Variants in ACYP2 observed in about 807,000 individuals in gnomAD.
ACYP2 encodes the protein acylphosphatase-2.
In ACYP2, 12 loss-of-function variants were observed where a neutral mutation model predicts 11.2. That is an observed-to-expected ratio of 1.08 (90% CI 0.69 to 1.74). The LOEUF (loss-of-function observed/expected upper bound fraction) is 1.74, where lower values mean the gene tolerates loss of function less well. Among genes scored for constraint, ACYP2 ranks in the 40% most tolerant of loss-of-function variants. ACYP2 has a pLI of 0.00. For missense variants in ACYP2, 134 were observed against 101.9 expected, an observed-to-expected ratio of 1.31 and a Z score of -1.35; for synonymous variants, 43 against 32.2, an observed-to-expected ratio of 1.33 and a Z score of -1.13.
chr2:54,092,790 T>G (rs1377610784), intron 4 of ACYP2, among the ~76,000 whole-genome samples: 1 of 152,170 alleles, frequency 6.6e-6, no homozygotes, highest in Non-Finnish European at 1.5e-5. Context: ...CAGTGATGCA[T>G]GCCATGGTGC....
intron 6 of ACYP2, among the ~76,000 whole-genome samples, chr2:54,144,191 T>C (rs1681775643): frequency 6.6e-6 from 1 of 151,810 alleles, no homozygotes; most frequent in Non-Finnish European, 1.5e-5. Flanking sequence ...CAGGCTGGTG[T>C]TGAACTTCTG....
chr2:54,284,131 C>A (rs1012473893), intron 6 of ACYP2, among the ~76,000 whole-genome samples: 16 of 152,158 alleles, frequency 1.1e-4, no homozygotes, highest in African/African-American at 3.9e-4. Flanking sequence ...TATAACAGTT[C>A]TTATAATATG....
intron 3 of ACYP2, among the ~76,000 whole-genome samples, chr2:54,055,779 A>G (rs970274368): frequency 6.6e-6 from 1 of 152,246 alleles, no homozygotes; most frequent in African/African-American, 2.4e-5. Flanking sequence ...AGAACAATGC[A>G]TCTAAGTGTT....
rs138233331 is a variant in ACYP2, at chr2:54,197,783, G to A, written c.404+59035G>A. Reference sequence around the variant, plus strand: ...AAGGGGATGTGTGGTGGAGGATTTGGTCAAAAGACTGGGGAGGGACAGTCA... The same window carrying A: ...AAGGGGATGTGTGGTGGAGGATTTGATCAAAAGACTGGGGAGGGACAGTCA... On this transcript the variant is annotated intron_variant, in intron 6 of 6. Transcript: ENST00000607452. 4.6e-3 allele frequency among the ~76,000 whole-genome samples: 698 copies of A among 152,310 alleles called. 12 individuals carry two copies. Among genetic ancestry groups the A allele is most frequent in the African/African-American group, 0.016 (665 of 41,562 alleles).
chr2:53,971,721 A>G (rs1239580196), intron 1 of ACYP2, among the ~76,000 whole-genome samples: 2 of 152,230 alleles, frequency 1.3e-5, no homozygotes, highest in Non-Finnish European at 2.9e-5. Flanking sequence ...AGTTGAAACT[A>G]GGGGGTTTGA....
At chr2:54,103,037 C>T (rs1678982282) in intron 4 of ACYP2, among the ~76,000 whole-genome samples, 1 of 152,096 alleles carries the variant, frequency 6.6e-6, no homozygotes, top group African/African-American at 2.4e-5. Flanking sequence ...TTATATGCCA[C>T]CCCTGCACAA....
chr2:54,213,407 G>T (rs1685413985), intron 6 of ACYP2, among the ~76,000 whole-genome samples: 1 of 152,058 alleles, frequency 6.6e-6, no homozygotes, highest in Non-Finnish European at 1.5e-5. Flanking sequence ...ACATATACGT[G>T]CACGTGTCTT....
intron 1 of ACYP2, among the ~76,000 whole-genome samples, chr2:53,971,661 T>G (rs542274109): frequency 6.6e-6 from 1 of 152,290 alleles, no homozygotes; most frequent in Admixed American, 6.5e-5. Context: ...TACAAGATAA[T>G]GCTCTTAATT....
intron 6 of ACYP2, among the ~76,000 whole-genome samples, chr2:54,257,396 G>C (rs1299576628): frequency 6.6e-6 from 1 of 152,156 alleles, no homozygotes; most frequent in Non-Finnish European, 1.5e-5. Flanking sequence ...GTTTTTAAAT[G>C]TTTCTGTCAG....
intron 6 of ACYP2, among the ~76,000 whole-genome samples, chr2:54,152,820 C>T (rs1476977543): frequency 2.0e-5 from 3 of 151,900 alleles, no homozygotes; most frequent in East Asian, 1.9e-4. Flanking sequence ...TGGTTGCTTC[C>T]AAATTTGTTA....
At chr2:54,046,505 T>C (rs1464634588) in intron 2 of ACYP2, among the ~76,000 whole-genome samples, 2 of 146,848 alleles carry the variant, frequency 1.4e-5, no homozygotes, top group African/African-American at 5.0e-5. Context: ...AAAAAAAAGG[T>C]TGCTTGAGAA....
chr2:54,174,584 G>A (rs1376124534), intron 6 of ACYP2, among the ~76,000 whole-genome samples: 2 of 152,106 alleles, frequency 1.3e-5, no homozygotes, highest in African/African-American at 2.4e-5. Context: ...GGTGAGAGAG[G>A]GCATCCTTGT....
intron 4 of ACYP2, among the ~76,000 whole-genome samples, chr2:54,091,693 G>A (rs776272754): frequency 6.6e-6 from 1 of 151,874 alleles, no homozygotes; most frequent in South Asian, 2.1e-4. Flanking sequence ...TGTGTTTTTG[G>A]TAGAGATGCG....
chr2:54,134,075 T>C (rs574475638), intron 4 of ACYP2, among the ~76,000 whole-genome samples: 1 of 151,636 alleles, frequency 6.6e-6, no homozygotes, highest in South Asian at 2.1e-4. Context: ...ATTAACATAA[T>C]GTAATCTACA....
At position 54,038,554 on chromosome 2, in the gene ACYP2, A is replaced by T. The variant is rs189820701; in HGVS notation, c.63-12404A>T. On this transcript the variant is annotated intron_variant, in intron 2 of 6. Transcript: ENST00000607452. Reference sequence around the variant, plus strand: ...GCTTATTATTATCTCCATTTTGTAGATGAGGAACCTGAAGTGCAGAGTGTT... The same window carrying T: ...GCTTATTATTATCTCCATTTTGTAGTTGAGGAACCTGAAGTGCAGAGTGTT... Among the ~76,000 whole-genome samples, 26 of 151,570 alleles carry T rather than the reference A, an allele frequency of 1.7e-4. No homozygotes were observed. The East Asian group carries it at 4.7e-3, about 27-fold the overall frequency.
intron 4 of ACYP2, among the ~76,000 whole-genome samples, chr2:54,108,394 A>T (rs12471782): frequency 0.033 from 5,074 of 152,330 alleles, 182 homozygotes; most frequent in Admixed American, 0.12. Context: ...TAAAGACACG[A>T]AGGCCCTTGT....
intron 6 of ACYP2, among the ~76,000 whole-genome samples, chr2:54,163,903 G>A (rs1055522489): frequency 6.6e-5 from 10 of 152,114 alleles, no homozygotes; most frequent in African/African-American, 1.9e-4. Flanking sequence ...AGCATCTGCC[G>A]TGGGGAGCAT....
At chr2:54,154,363 C>G (rs1334711233) in intron 6 of ACYP2, among the ~76,000 whole-genome samples, 1 of 152,156 alleles carries the variant, frequency 6.6e-6, no homozygotes, top group East Asian at 1.9e-4. Flanking sequence ...GGTCTTGTTC[C>G]TGATCTTAGA....
At chr2:54,021,166 G>C (rs1673990416) in intron 2 of ACYP2, among the ~76,000 whole-genome samples, 1 of 152,162 alleles carries the variant, frequency 6.6e-6, no homozygotes, top group African/African-American at 2.4e-5. Flanking sequence ...ATACGAGCCG[G>C]AGTGGTAGGG....
Sources: allele counts gnomAD v4.1 joint callset (sites outside exome capture counted in the v4.1 genomes callset), GRCh38; gene constraint gnomAD v4.1.1; transcripts MANE v1.5; gene names NCBI Gene and HGNC (gene_info 2026-07-23, HGNC 2026-07-21).